Variants in ERO1B observed in about 807,000 individuals in gnomAD.
ERO1B encodes the protein ERO1-like protein beta.
In ERO1B, 49 loss-of-function variants were observed where a neutral mutation model predicts 75.3. The observed-to-expected ratio is 0.65, with a 90% CI of 0.52 to 0.83. ERO1B has a LOEUF of 0.83. Ranked by LOEUF, ERO1B falls within the 40% of genes least tolerant of loss-of-function variation. The pLI is 0.00. For synonymous variants in ERO1B, 191 were observed against 192.9 expected (o/e 0.99, Z 0.08); for missense variants, 512 against 560.1 (o/e 0.91, Z 0.87).
intron 2 of ERO1B, among the ~76,000 whole-genome samples, chr1:236,259,000 C>T (rs1665232344): frequency 6.6e-6 from 1 of 152,070 alleles, no homozygotes; most frequent in African/African-American, 2.4e-5. Flanking sequence ...AATTATATAT[C>T]TAATAGGAAA....
At chr1:236,253,034 A>G (rs1294246755) in intron 3 of ERO1B, among the ~76,000 whole-genome samples, 1 of 152,018 alleles carries the variant, frequency 6.6e-6, no homozygotes, top group African/African-American at 2.4e-5. Flanking sequence ...CAATTAAATC[A>G]CTATAAATTT....
chr1:236,250,011 C>G, intron 4 of ERO1B, 44 bp from the exon 5 acceptor site: 2 of 1,327,094 alleles, frequency 1.5e-6, no homozygotes, highest in Non-Finnish European at 2.1e-6. Context: ...TTACCTTATT[C>G]TTTATTTCAG....
intron 2 of ERO1B, among the ~76,000 whole-genome samples, chr1:236,254,835 A>C (rs1292436209): frequency 6.6e-6 from 1 of 150,526 alleles, no homozygotes. Context: ...CTGGTTTCGA[A>C]CTCCTGACCT....
intron 15 of ERO1B, 141 bp from the exon 16 acceptor site, chr1:236,218,717 T>A: frequency 1.4e-6 from 1 of 731,536 alleles, no homozygotes; most frequent in Non-Finnish European, 1.8e-6. Context: ...CATGTTTAAA[T>A]TAGTGTTCTC....
At chr1:236,260,151 A>C (rs2102960805) in intron 2 of ERO1B, among the ~76,000 whole-genome samples, 1 of 152,298 alleles carries the variant, frequency 6.6e-6, no homozygotes, top group African/African-American at 2.4e-5. Flanking sequence ...AGAAGATGCC[A>C]ACAAAATCAG....
intron 8 of ERO1B, 72 bp downstream of exon 8, chr1:236,235,716 CA>C (rs1313498223): frequency 1.5e-6 from 2 of 1,303,904 alleles, no homozygotes; most frequent in African/African-American, 1.5e-5. Flanking sequence ...AAAGTTTTTT[CA>C]ATATGAAGTT....
At position 236,281,821 on chromosome 1, in the gene ERO1B, C is replaced by T. The variant is rs751960981; in HGVS notation, c.-38G>A. On this transcript the variant is annotated 5_prime_UTR_variant, in exon 1 of 16. Transcript: ENST00000354619. ...CCACACCGCGGCCAGCCGGACCCCTCGGGGCCGGGGAACGACGGGCGGCCC... is the reference window on the plus strand; with the variant it reads ...CCACACCGCGGCCAGCCGGACCCCTTGGGGCCGGGGAACGACGGGCGGCCC... 10 of 1,342,142 alleles carry T rather than the reference C, an allele frequency of 7.5e-6. 1 individual carries two copies. The South Asian group carries it at 1.5e-4, about 20-fold the overall frequency. 83.1% of individuals were successfully genotyped at this position (1,342,142 alleles called of 1,614,324 possible). A position where few individuals can be genotyped will look rare whatever the true frequency, so the allele number is the denominator to read the frequency against.
At chr1:236,273,539 G>C (rs779121669) in intron 1 of ERO1B, among the ~76,000 whole-genome samples, 2 of 152,112 alleles carry the variant, frequency 1.3e-5, no homozygotes, top group Non-Finnish European at 2.9e-5. Context: ...GTTTCTCCAG[G>C]TTGGGCCAGG....
intron 10 of ERO1B, 48 bp from the exon 11 acceptor site, chr1:236,226,787 G>C: frequency 7.0e-7 from 1 of 1,426,300 alleles, no homozygotes; most frequent in Non-Finnish European, 9.7e-7. Flanking sequence ...TTAGATATCA[G>C]AAATATTGAC....
chr1:236,244,594 A>T (rs143527898), intron 5 of ERO1B, among the ~76,000 whole-genome samples: 141 of 152,320 alleles, frequency 9.3e-4, no homozygotes, highest in African/African-American at 3.2e-3. Flanking sequence ...AGTGATACAA[A>T]TTCCTATTTT....
intron 2 of ERO1B, among the ~76,000 whole-genome samples, chr1:236,259,825 GAA>G (rs35606662): frequency 2.3e-4 from 34 of 148,478 alleles, no homozygotes; most frequent in South Asian, 6.4e-4. Flanking sequence ...CACCTAGACA[GAA>G]AAAAAAAAAT....
intron 1 of ERO1B, among the ~76,000 whole-genome samples, chr1:236,270,782 C>G (rs1665571181): frequency 6.6e-6 from 1 of 151,990 alleles, no homozygotes; most frequent in East Asian, 1.9e-4. Flanking sequence ...ATTCCATTTA[C>G]AGAACACTTT....
At chr1:236,221,302 CAA>C (rs1435128700) in intron 14 of ERO1B, among the ~76,000 whole-genome samples, 1 of 152,042 alleles carries the variant, frequency 6.6e-6, no homozygotes, top group East Asian at 1.9e-4. Context: ...TTTAGCAATT[CAA>C]AACTCAGAGA....
chr1:236,233,416 G>T (rs955508634), intron 8 of ERO1B, among the ~76,000 whole-genome samples: 1 of 151,016 alleles, frequency 6.6e-6, no homozygotes, highest in East Asian at 2.0e-4. Flanking sequence ...GGCCAAGATA[G>T]TGAAACCCCA....
At chr1:236,271,034 A>C (rs1316592191) in intron 1 of ERO1B, among the ~76,000 whole-genome samples, 1 of 152,234 alleles carries the variant, frequency 6.6e-6, no homozygotes, top group Non-Finnish European at 1.5e-5. Flanking sequence ...CAAACAAAAC[A>C]AGTAAAACTG....
At chr1:236,279,484 C>T (rs1435768255) in intron 1 of ERO1B, among the ~76,000 whole-genome samples, 1 of 123,096 alleles carries the variant, frequency 8.1e-6, no homozygotes. Context: ...GTCTGGGTGA[C>T]ACAGAGCGAG....
intron 10 of ERO1B, among the ~76,000 whole-genome samples, chr1:236,229,599 A>G (rs1424990681): frequency 6.6e-6 from 1 of 152,146 alleles, no homozygotes; most frequent in African/African-American, 2.4e-5. Context: ...AATTTCATAT[A>G]CTAATGGCAA....
chr1:236,224,236 C>T (rs1664224496), intron 13 of ERO1B, among the ~76,000 whole-genome samples: 1 of 152,028 alleles, frequency 6.6e-6, no homozygotes, highest in Non-Finnish European at 1.5e-5. Context: ...AAAAAATTAC[C>T]TTGCACTAAA....
At chr1:236,264,042 T>C (rs530021812) in intron 2 of ERO1B, among the ~76,000 whole-genome samples, 1 of 151,974 alleles carries the variant, frequency 6.6e-6, no homozygotes, top group East Asian at 1.9e-4. Context: ...TATTAACATA[T>C]GTTTTATTGT....
Sources: gnomAD v4.1 joint callset for allele counts (sites outside exome capture counted in the v4.1 genomes callset) on GRCh38, gnomAD v4.1.1 for gene constraint, MANE v1.5 for transcripts, NCBI Gene and HGNC (gene_info 2026-07-23, HGNC 2026-07-21) for gene names.